Variants in CNTNAP2 observed in about 807,000 individuals in gnomAD.
The protein encoded by CNTNAP2 is contactin-associated protein-like 2.
CNTNAP2 carries 98 observed loss-of-function variants against 155.2 expected under a neutral mutation model. That is an observed-to-expected ratio of 0.63 (90% CI 0.54 to 0.75). CNTNAP2 has a LOEUF of 0.75. CNTNAP2 is among the 30% of genes least tolerant of loss of function. The pLI is 0.00. For synonymous variants in CNTNAP2, 651 were observed against 631.2 expected (o/e 1.03, Z -0.47); for missense variants, 1,727 against 1,688.1 (o/e 1.02, Z -0.40).
chr7:146,880,731 A>T (rs1057342612), intron 3 of CNTNAP2, among the ~76,000 whole-genome samples: 3 of 152,256 alleles, frequency 2.0e-5, no homozygotes, highest in African/African-American at 7.2e-5. Flanking sequence ...TCCCATTTAT[A>T]TATTAGTAGA....
chr7:146,175,272 G>T (rs185387498), intron 1 of CNTNAP2, among the ~76,000 whole-genome samples: 4 of 152,270 alleles, frequency 2.6e-5, no homozygotes, highest in East Asian at 3.9e-4. Context: ...AAATAAATTT[G>T]AAAAATGTAA....
chr7:146,176,270 TG>T (rs1584787907), intron 1 of CNTNAP2, among the ~76,000 whole-genome samples: 1 of 152,106 alleles, frequency 6.6e-6, no homozygotes, highest in Admixed American at 6.6e-5. Flanking sequence ...ATTTGATAAT[TG>T]GGGGAAAAAC....
At chr7:148,184,648 A>G (rs992130273) in intron 18 of CNTNAP2, among the ~76,000 whole-genome samples, 9 of 152,364 alleles carry the variant, frequency 5.9e-5, no homozygotes, top group African/African-American at 2.2e-4. Flanking sequence ...AACACAGACA[A>G]CACTATTCTA....
chr7:146,969,582 T>A (rs1280156014), intron 3 of CNTNAP2, among the ~76,000 whole-genome samples: 1 of 152,226 alleles, frequency 6.6e-6, no homozygotes, highest in East Asian at 1.9e-4. Context: ...TCTTTGTCTC[T>A]TTTGATTTTT....
intron 3 of CNTNAP2, among the ~76,000 whole-genome samples, chr7:147,043,111 A>G (rs1799289783): frequency 6.6e-6 from 1 of 152,040 alleles, no homozygotes; most frequent in Non-Finnish European, 1.5e-5. Context: ...TTAGATGGTA[A>G]TTTTTTGAGA....
At chr7:148,045,113 C>T (rs1300379631) in intron 15 of CNTNAP2, among the ~76,000 whole-genome samples, 1 of 152,144 alleles carries the variant, frequency 6.6e-6, no homozygotes, top group Non-Finnish European at 1.5e-5. Context: ...CAGCAAAACA[C>T]ATGAAATAAC....
chr7:147,139,844 G>A (rs978889676), intron 8 of CNTNAP2, among the ~76,000 whole-genome samples: 1 of 152,020 alleles, frequency 6.6e-6, no homozygotes, highest in Non-Finnish European at 1.5e-5. Context: ...TTTTTCACAA[G>A]AAAATTTTGG....
chr7:147,042,539 CTG>C (rs1799279784), intron 3 of CNTNAP2, among the ~76,000 whole-genome samples: 1 of 151,966 alleles, frequency 6.6e-6, no homozygotes, highest in Non-Finnish European at 1.5e-5. Flanking sequence ...CGAAGCTACT[CTG>C]TATTTTTTTT....
At chr7:147,086,270 T>C (rs74604054) in intron 4 of CNTNAP2, among the ~76,000 whole-genome samples, 7,714 of 152,058 alleles carry the variant, frequency 0.051, 498 homozygotes, top group African/African-American at 0.15. Context: ...TAAATGAGTT[T>C]ACAGAAAATA....
chr7:146,909,137 G>A (rs1585151548), intron 3 of CNTNAP2, among the ~76,000 whole-genome samples: 1 of 152,082 alleles, frequency 6.6e-6, no homozygotes, highest in African/African-American at 2.4e-5. Context: ...TCAATAACAG[G>A]AGCTGAAATT....
rs148169283 is a variant in CNTNAP2 at position 147,621,086 on chromosome 7, C to T, written c.1898-18020C>T. 7.5e-4 allele frequency among the ~76,000 whole-genome samples: 114 copies of T among 152,124 alleles called. 3 individuals carry two copies. In the East Asian group the frequency reaches 0.021, roughly 28 times the overall value. On this transcript the variant is annotated intron_variant, in intron 12 of 23. Transcript: ENST00000361727. ...AGGAGAGAGGGGCATGACATATTTA[C>T]GGTGCTGAAAGAAAAAAACTTTTAC...
chr7:148,280,265 A>AG (rs1796948684), intron 21 of CNTNAP2, among the ~76,000 whole-genome samples: 5 of 152,154 alleles, frequency 3.3e-5, no homozygotes. Context: ...AGCCAAGATC[A>AG]TGCTACTGTA....
intron 7 of CNTNAP2, 93 bp from the exon 8 acceptor site, chr7:147,132,152 C>T (rs1403145974): frequency 2.6e-6 from 4 of 1,541,726 alleles, no homozygotes; most frequent in Non-Finnish European, 3.6e-6. Context: ...GGCTGTGCTT[C>T]AAAACTTGTA....
intron 1 of CNTNAP2, among the ~76,000 whole-genome samples, chr7:146,132,826 G>A (rs1271990506): frequency 2.7e-5 from 4 of 148,922 alleles, no homozygotes; most frequent in African/African-American, 9.9e-5. Flanking sequence ...TGGACATTTG[G>A]GTTGGTTCCA....
chr7:146,363,012 G>A (rs894520082), intron 1 of CNTNAP2, among the ~76,000 whole-genome samples: 8 of 151,754 alleles, frequency 5.3e-5, no homozygotes, highest in East Asian at 1.9e-4. Context: ...CTCATGATCC[G>A]CCTGCCTCGA....
chr7:146,440,112 C>T (rs868466084), intron 1 of CNTNAP2, among the ~76,000 whole-genome samples: 6 of 151,416 alleles, frequency 4.0e-5, no homozygotes, highest in African/African-American at 1.2e-4. Flanking sequence ...CAACAGAGAG[C>T]GACTCCATCT....
At chr7:146,381,065 T>C (rs1795379761) in intron 1 of CNTNAP2, among the ~76,000 whole-genome samples, 1 of 151,978 alleles carries the variant, frequency 6.6e-6, no homozygotes, top group Admixed American at 6.6e-5. Context: ...CCCAAAGTGC[T>C]GGGATTACAG....
intron 13 of CNTNAP2, among the ~76,000 whole-genome samples, chr7:147,829,959 G>A (rs986762062): frequency 4.6e-5 from 7 of 151,958 alleles, no homozygotes; most frequent in Non-Finnish European, 8.8e-5. Flanking sequence ...TGCTTACCCC[G>A]AGAAGGTCTC....
intron 3 of CNTNAP2, among the ~76,000 whole-genome samples, chr7:146,914,920 A>C (rs1045787732): frequency 1.3e-5 from 2 of 151,976 alleles, no homozygotes; most frequent in Non-Finnish European, 2.9e-5. Flanking sequence ...GGTTTTCCCA[A>C]TGTTATCTTC....
Sources: gnomAD v4.1 joint callset for allele counts (sites outside exome capture counted in the v4.1 genomes callset) on GRCh38, gnomAD v4.1.1 for gene constraint, MANE v1.5 for transcripts, NCBI Gene and HGNC (gene_info 2026-07-23, HGNC 2026-07-21) for gene names.